Variants in MRPL48 observed in about 807,000 individuals in gnomAD.
The protein encoded by MRPL48 is large ribosomal subunit protein mL48.
A neutral mutation model predicts 32.9 loss-of-function variants in MRPL48; 16 were observed. The ratio of observed to expected loss-of-function variants is 0.49; its 90% CI spans 0.33 to 0.74. The LOEUF (loss-of-function observed/expected upper bound fraction) is 0.74. Ranked by LOEUF, MRPL48 falls within the 30% of genes least tolerant of loss-of-function variation. The probability of loss-of-function intolerance (pLI) is 0.02; values close to 1 mark genes in which losing one functional copy is unlikely to be tolerated. For missense variants in MRPL48, 206 were observed against 245.3 expected (o/e 0.84, Z 1.07); for synonymous variants, 94 against 89.2 (o/e 1.05, Z -0.31).
chr11:73,849,240 G>C (rs533541810), intron 5 of MRPL48, among the ~76,000 whole-genome samples: 1 of 152,168 alleles, frequency 6.6e-6, no homozygotes, highest in African/African-American at 2.4e-5. Flanking sequence ...AGGTTCAAGC[G>C]ATTCTCCTGC....
At chr11:73,850,709 C>G in intron 5 of MRPL48, 2 of 210,470 alleles carry the variant, frequency 9.5e-6, no homozygotes, top group Non-Finnish European at 1.9e-5. Flanking sequence ...CGGAGTCTCG[C>G]TCTGTCGCCC....
chr11:73,860,331 C>A, intron 6 of MRPL48: 1 of 190,140 alleles, frequency 5.3e-6, no homozygotes, highest in Non-Finnish European at 1.1e-5. Flanking sequence ...CACAGGAGTC[C>A]TCCCTGCACT....
chr11:73,863,124 C>A, intron 6 of MRPL48, 48 bp from the exon 7 acceptor site: 1 of 1,504,094 alleles, frequency 6.6e-7, no homozygotes, highest in African/African-American at 1.4e-5. Flanking sequence ...CCAGTTACCT[C>A]GTTTTCAGCT....
chr11:73,837,954 C>G (rs1565102850), intron 4 of MRPL48, among the ~76,000 whole-genome samples: 1 of 152,126 alleles, frequency 6.6e-6, no homozygotes, highest in South Asian at 2.1e-4. Context: ...CGGGTTCAAG[C>G]GATTCTCCTG....
At chr11:73,838,936 G>A (rs1824987480) in intron 4 of MRPL48, among the ~76,000 whole-genome samples, 1 of 152,150 alleles carries the variant, frequency 6.6e-6, no homozygotes, top group South Asian at 2.1e-4. Context: ...CAGGACAAAA[G>A]CATCTCTAAA....
Position 73,812,089 on chromosome 11 carries a change from T to A in MRPL48, c.112+3739T>A, listed in dbSNP as rs140865166. 6.8e-3 allele frequency among the ~76,000 whole-genome samples: 1,038 copies of A among 152,234 alleles called. 9 individuals are homozygous for A. The highest frequency in any genetic ancestry group is 0.022 in the African/African-American group (897 of 41,544). On this transcript the variant is annotated intron_variant, in intron 3 of 7. Transcript: ENST00000310614. ...TTTTAGTAGAGATGGGGTTTCACCG[T>A]GTTAGCCAGGATGGTCTAGATCTCC...
intron 4 of MRPL48, among the ~76,000 whole-genome samples, chr11:73,831,456 C>T (rs1314068017): frequency 6.6e-6 from 1 of 152,148 alleles, no homozygotes; most frequent in Non-Finnish European, 1.5e-5. Flanking sequence ...GATACCCTCC[C>T]TTTTTTCTCT....
chr11:73,790,433 G>A (rs1185123693), intron 1 of MRPL48, among the ~76,000 whole-genome samples: 3 of 124,374 alleles, frequency 2.4e-5, no homozygotes, highest in African/African-American at 9.6e-5. Context: ...CACCCAGGCT[G>A]GAGTGCAGTG....
At chr11:73,850,911 C>T (rs191130075) in intron 5 of MRPL48, 35 of 254,234 alleles carry the variant, frequency 1.4e-4, no homozygotes, top group African/African-American at 6.4e-4. Context: ...CTCCTGACCT[C>T]GTGATCCGCC....
chr11:73,815,024 C>T (rs1039777493), intron 3 of MRPL48, among the ~76,000 whole-genome samples: 13 of 130,172 alleles, frequency 1.0e-4, no homozygotes, highest in African/African-American at 3.2e-4. Context: ...ATAAATAAAA[C>T]AAAAAAGTGT....
chr11:73,823,129 C>T, intron 3 of MRPL48: 1 of 318,524 alleles, frequency 3.1e-6, no homozygotes, highest in South Asian at 2.7e-5. Context: ...AAATAACATG[C>T]ACAATAAATG....
intron 5 of MRPL48, 64 bp downstream of exon 5, chr11:73,845,040 A>T (rs1224237486): frequency 6.7e-7 from 1 of 1,496,956 alleles, no homozygotes; most frequent in Non-Finnish European, 9.1e-7. Context: ...TTTTTTGTTA[A>T]ACTAGGCTTT....
At chr11:73,847,990 A>T (rs1194142558) in intron 5 of MRPL48, among the ~76,000 whole-genome samples, 2 of 152,188 alleles carry the variant, frequency 1.3e-5, no homozygotes, top group African/African-American at 4.8e-5. Context: ...AAGCTTAATG[A>T]AGTTCAGTTT....
chr11:73,787,955 C>T lies in MRPL48; in HGVS notation c.-17C>T, dbSNP rs778293626. The T allele has an allele frequency of 7.4e-6, 12 of 1,611,536 alleles. No homozygotes were observed. In the East Asian group the frequency reaches 8.9e-5, roughly 12 times the overall value. On this transcript the variant is annotated 5_prime_UTR_variant, in exon 1 of 8. Coordinates refer to ENST00000310614, the MANE Select transcript of MRPL48 (RefSeq NM_016055.6). Reference sequence around the variant, plus strand: ...GGTCTTCGGTTTGCACAGCTAGAGGCCGCGCAGCAGCAAAGGATGAGCGGA... The same window carrying T: ...GGTCTTCGGTTTGCACAGCTAGAGGTCGCGCAGCAGCAAAGGATGAGCGGA...
At chr11:73,839,230 T>C (rs1263725430) in intron 4 of MRPL48, among the ~76,000 whole-genome samples, 8 of 152,218 alleles carry the variant, frequency 5.3e-5, no homozygotes, top group Admixed American at 5.2e-4. Flanking sequence ...TCTTGACAGG[T>C]TGACCTTCAG....
intron 5 of MRPL48, among the ~76,000 whole-genome samples, chr11:73,849,533 T>TAAAGA (rs1455191600): frequency 1.3e-5 from 2 of 152,264 alleles, no homozygotes; most frequent in Non-Finnish European, 2.9e-5. Flanking sequence ...ATTCTTCTTT[T>TAAAGA]GCTTAGCATA....
Position 73,809,074 on chromosome 11 carries a change from T to G in MRPL48, c.112+724T>G, listed in dbSNP as rs916023603. 2.6e-5 allele frequency among the ~76,000 whole-genome samples: 4 copies of G among 152,186 alleles called. No homozygotes were observed. The South Asian group carries it at 8.3e-4, about 32-fold the overall frequency. ...GCAGGAGGATCTCTTGAGCCCAGGTTACAGTGAGCTATGACTGTGCCACTG... is the reference window on the plus strand; with the variant it reads ...GCAGGAGGATCTCTTGAGCCCAGGTGACAGTGAGCTATGACTGTGCCACTG... On this transcript the variant is annotated intron_variant, in intron 3 of 7. Transcript: ENST00000310614.
intron 1 of MRPL48, among the ~76,000 whole-genome samples, chr11:73,804,224 T>C (rs1249195360): frequency 2.1e-4 from 32 of 151,788 alleles, no homozygotes. Context: ...AGCCTATCAC[T>C]GTTATTGAGA....
chr11:73,805,579 G>A (rs908741788), intron 2 of MRPL48, among the ~76,000 whole-genome samples: 2 of 151,574 alleles, frequency 1.3e-5, no homozygotes, highest in Admixed American at 1.3e-4. Context: ...TACAGGTGTG[G>A]GCCCCCGCGT....
Sources: allele counts gnomAD v4.1 joint callset (sites outside exome capture counted in the v4.1 genomes callset), GRCh38; gene constraint gnomAD v4.1.1; transcripts MANE v1.5; gene names NCBI Gene and HGNC (gene_info 2026-07-23, HGNC 2026-07-21).